Variants in PCDHGA2 observed in about 807,000 individuals in gnomAD.
PCDHGA2 encodes the protein protocadherin gamma-A2.
A neutral mutation model predicts 59.2 loss-of-function variants in PCDHGA2; 40 were observed. The observed-to-expected ratio is 0.68, with a 90% CI of 0.52 to 0.88. The LOEUF is 0.88. Ranked by LOEUF, PCDHGA2 falls within the 40% of genes least tolerant of loss-of-function variation. The probability of loss-of-function intolerance (pLI) is 0.00; values close to 1 mark genes in which losing one functional copy is unlikely to be tolerated. For missense variants in PCDHGA2, 1,226 were observed against 1,204.0 expected (o/e 1.02, Z -0.27); for synonymous variants, 560 against 526.0 (o/e 1.06, Z -0.89).
At chr5:141,478,395 T>C in intron 1 of PCDHGA2, 1 of 1,613,510 alleles carries the variant, frequency 6.2e-7, no homozygotes, top group Non-Finnish European at 8.5e-7. Flanking sequence ...TACCATCAGG[T>C]GTATCTCACC....
At chr5:141,370,402 A>G (rs541569664) in intron 1 of PCDHGA2, 2 of 1,554,130 alleles carry the variant, frequency 1.3e-6, no homozygotes, top group Non-Finnish European at 8.7e-7. Flanking sequence ...GGGATGGGAA[A>G]TAGCTCCGGA....
intron 1 of PCDHGA2, 186 bp downstream of exon 1, chr5:141,341,581 T>G: frequency 8.5e-7 from 1 of 1,181,762 alleles, no homozygotes; most frequent in Non-Finnish European, 1.2e-6. Flanking sequence ...AGAAGAGACG[T>G]GAGAATCTTT....
At chr5:141,346,657 A>G (rs1757788740) in intron 1 of PCDHGA2, 2 of 746,560 alleles carry the variant, frequency 2.7e-6, no homozygotes, top group African/African-American at 1.8e-5. Context: ...GCTTAGGGAA[A>G]AAATAATACA....
rs772807357 is a variant in PCDHGA2, at chr5:141,431,758, C to G, written c.2425-63049C>G. On this transcript the variant is annotated intron_variant, in intron 1 of 3. Transcript: ENST00000394576. This position sits in a 1 kb window ranked among gnomAD's most constrained non-coding sequence, Gnocchi z 4.8. ...CAGGATATTCTGCGCGAGCCAAAGTCCTGATCACTGTTCTGGACGTGAACG... is the reference window on the plus strand; with the variant it reads ...CAGGATATTCTGCGCGAGCCAAAGTGCTGATCACTGTTCTGGACGTGAACG... 2.0e-5 allele frequency: 32 copies of G among 1,614,054 alleles called. No individual in the cohort carries two copies. The highest frequency in any genetic ancestry group is 2.6e-5 in the Non-Finnish European group (31 of 1,180,028).
At chr5:141,371,809 C>A (rs1768063576) in intron 1 of PCDHGA2, 2 of 1,613,792 alleles carry the variant, frequency 1.2e-6, no homozygotes. Flanking sequence ...GCCTCCATTG[C>A]GCATGTCAGA....
At chr5:141,365,408 T>G in intron 1 of PCDHGA2, 1 of 1,614,004 alleles carries the variant, frequency 6.2e-7, no homozygotes. Flanking sequence ...CTCTGAAGAC[T>G]GTCTTCCCGG....
In PCDHGA2 at chr5:141,476,177, C is replaced by T. The variant is rs1221752964; in HGVS notation, c.2425-18630C>T. On this transcript the variant is annotated intron_variant, in intron 1 of 3. Transcript: ENST00000394576. The surrounding 1 kb of genome is among the most constrained non-coding windows in gnomAD (Gnocchi z 7.6). ...CACCGGGAGGGTAGTGGGAGTTTTG[C>T]TTCTGCTTGGTGCCTTGAACAAGGC... 6.2e-7 allele frequency: 1 copy of T among 1,613,436 alleles called. No individual in the cohort carries two copies. Among genetic ancestry groups the T allele is most frequent in the Non-Finnish European group, 8.5e-7 (1 of 1,179,944 alleles).
chr5:141,356,198 T>C, intron 1 of PCDHGA2: 1 of 1,608,990 alleles, frequency 6.2e-7, no homozygotes, highest in Non-Finnish European at 8.5e-7. Flanking sequence ...AGAAGCAAGG[T>C]ACTGGTGACA....
chr5:141,419,103 C>A, intron 1 of PCDHGA2: 1 of 1,613,886 alleles, frequency 6.2e-7, no homozygotes, highest in South Asian at 1.1e-5. Flanking sequence ...CGGGAGCAGA[C>A]CCCAGAGTAC....
At chr5:141,497,849 T>G (rs1337258582) in intron 2 of PCDHGA2, among the ~76,000 whole-genome samples, 1 of 152,192 alleles carries the variant, frequency 6.6e-6, no homozygotes, top group African/African-American at 2.4e-5. Flanking sequence ...ACAAACATTT[T>G]TGATTCAGCG....
In PCDHGA2 at chr5:141,490,347, G is replaced by T; in HGVS notation, c.2425-4460G>T. On this transcript the variant is annotated intron_variant, in intron 1 of 3. Coordinates refer to ENST00000394576, the MANE Select transcript of PCDHGA2 (RefSeq NM_018915.4). This position sits in a 1 kb window ranked among gnomAD's most constrained non-coding sequence, Gnocchi z 5.4. ...AGAGCACACCAGTGGGCACAGTAGT[G>T]GGGTTGTTTAATGTGCGAGACCGGG... 1 of 1,614,180 alleles carries T rather than the reference G, an allele frequency of 6.2e-7. No homozygotes were observed.
At chr5:141,437,761 C>T (rs1200327020) in intron 1 of PCDHGA2, among the ~76,000 whole-genome samples, 1 of 144,680 alleles carries the variant, frequency 6.9e-6, no homozygotes, top group African/African-American at 2.6e-5. Context: ...TTTTTTGAGA[C>T]AGAGTCTCAA....
chr5:141,415,101 C>T, intron 1 of PCDHGA2: 1 of 1,613,550 alleles, frequency 6.2e-7, no homozygotes, highest in South Asian at 1.1e-5. Context: ...GAGACGCGCT[C>T]AAGCAAAGCC....
intron 1 of PCDHGA2, chr5:141,410,258 G>A: frequency 6.2e-7 from 1 of 1,614,022 alleles, no homozygotes; most frequent in East Asian, 2.2e-5. Context: ...TGACCCCCAG[G>A]CTGAACTGCA....
chr5:141,424,519 A>T (rs1216899186), intron 1 of PCDHGA2: 1 of 152,222 alleles, frequency 6.6e-6, no homozygotes, highest in African/African-American at 2.4e-5. Context: ...TTAATGTAGT[A>T]AATCCATATA....
Position 141,486,255 on chromosome 5 carries a change from A to G in PCDHGA2, c.2425-8552A>G. 1 of 1,614,028 alleles carries G rather than the reference A, an allele frequency of 6.2e-7. No homozygotes were observed. Reference sequence around the variant, plus strand: ...ACCTCAGAGCTTGGAACCCTCCCCGAGAGTGCAGAACCTGGCACTGTGGTG... The same window carrying G: ...ACCTCAGAGCTTGGAACCCTCCCCGGGAGTGCAGAACCTGGCACTGTGGTG... On this transcript the variant is annotated intron_variant, in intron 1 of 3. Coordinates refer to ENST00000394576, the MANE Select transcript of PCDHGA2 (RefSeq NM_018915.4). This position sits in a 1 kb window ranked among gnomAD's most constrained non-coding sequence, Gnocchi z 5.0.
At chr5:141,427,773 C>T (rs1285483564) in intron 1 of PCDHGA2, 1 of 1,414,460 alleles carries the variant, frequency 7.1e-7, no homozygotes, top group Non-Finnish European at 9.9e-7. Flanking sequence ...CTTGGAGCTG[C>T]GGGCACTGTC....
rs115982940 is a variant in PCDHGA2, at chr5:141,457,996, G to A, written c.2425-36811G>A. On this transcript the variant is annotated intron_variant, in intron 1 of 3. Transcript: ENST00000394576. ...AACACACCCTTTCAGTTAAAGCCTTGGCAAAATAACCGGTTTTTCCAATTG... is the reference window on the plus strand; with the variant it reads ...AACACACCCTTTCAGTTAAAGCCTTAGCAAAATAACCGGTTTTTCCAATTG... Among the ~76,000 whole-genome samples the A allele has an allele frequency of 2.4e-3, 372 of 152,212 alleles. 2 individuals carry two copies. Among genetic ancestry groups the A allele is most frequent in the African/African-American group, 8.4e-3 (347 of 41,522 alleles).
chr5:141,430,661 GCT>G, intron 1 of PCDHGA2: 1 of 1,159,744 alleles, frequency 8.6e-7, no homozygotes, highest in South Asian at 2.1e-5. Flanking sequence ...CAACGGAGGA[GCT>G]CTGACTTCCC....
Sources: gnomAD v4.1 joint callset for allele counts (sites outside exome capture counted in the v4.1 genomes callset) on GRCh38, gnomAD v4.1.1 for gene constraint, Gnocchi (gnomAD v3.1) non-coding constraint, MANE v1.5 for transcripts, NCBI Gene and HGNC (gene_info 2026-07-23, HGNC 2026-07-21) for gene names.